RPS6KC1: variants seen among roughly 807,000 people sequenced by gnomAD.
The protein encoded by RPS6KC1 is ribosomal protein S6 kinase C1.
A neutral mutation model predicts 103.8 loss-of-function variants in RPS6KC1; 54 were observed. The ratio of observed to expected loss-of-function variants is 0.52; its 90% CI spans 0.42 to 0.65. The LOEUF is 0.65. Ranked by LOEUF, RPS6KC1 falls within the 30% of genes least tolerant of loss-of-function variation. RPS6KC1 has a pLI of 0.00. For missense variants in RPS6KC1, 1,151 were observed against 1,253.8 expected (o/e 0.92, Z 1.24); for synonymous variants, 439 against 438.7 (o/e 1.00, Z -0.01).
chr1:213,783,056 A>G, the RPS6KC1 span, among the ~76,000 whole-genome samples: 2 of 152,238 alleles, frequency 1.3e-5, no homozygotes, highest in Non-Finnish European at 2.9e-5. Context: ...AGGTATGAAC[A>G]GGGCTGTTCC....
the RPS6KC1 span, among the ~76,000 whole-genome samples, chr1:213,416,325 A>G: frequency 2.0e-5 from 3 of 152,226 alleles, no homozygotes; most frequent in South Asian, 4.1e-4. Flanking sequence ...TCATCTTGCC[A>G]TGGGGCTTGG....
At chr1:213,857,779 G>T in the RPS6KC1 span, among the ~76,000 whole-genome samples, 257 of 152,296 alleles carry the variant, frequency 1.7e-3, 1 homozygote, top group Admixed American at 3.9e-3. Flanking sequence ...GGCAGCATCT[G>T]GGCCCTGGCC....
chr1:213,215,179 T>G (rs1238299003), intron 8 of RPS6KC1, among the ~76,000 whole-genome samples: 2 of 152,094 alleles, frequency 1.3e-5, no homozygotes, highest in African/African-American at 4.8e-5. Context: ...AGAGAAGTGT[T>G]TAAAGGACCT....
the RPS6KC1 span, among the ~76,000 whole-genome samples, chr1:213,561,884 C>T: frequency 6.6e-6 from 1 of 152,342 alleles, no homozygotes; most frequent in Middle Eastern, 3.4e-3. Flanking sequence ...ATAAGTCGAA[C>T]TTTCCAGATT....
the RPS6KC1 span, among the ~76,000 whole-genome samples, chr1:213,696,222 A>C: frequency 1.5e-3 from 227 of 152,248 alleles, no homozygotes; most frequent in Middle Eastern, 3.4e-3. Context: ...CTTCTTGGCC[A>C]GGCGTGGTGG....
At chr1:213,109,052 T>A (rs1300273770) in intron 4 of RPS6KC1, among the ~76,000 whole-genome samples, 1 of 152,220 alleles carries the variant, frequency 6.6e-6, no homozygotes, top group Non-Finnish European at 1.5e-5. Context: ...GTATTGAATC[T>A]GTAGTTCAGT....
chr1:213,438,910 C>T, the RPS6KC1 span, among the ~76,000 whole-genome samples: 1 of 151,650 alleles, frequency 6.6e-6, no homozygotes, highest in Non-Finnish European at 1.5e-5. Flanking sequence ...TCTCCTGCCT[C>T]AGCCTCCCGA....
chr1:213,580,755 T>C, the RPS6KC1 span, among the ~76,000 whole-genome samples: 2 of 147,198 alleles, frequency 1.4e-5, no homozygotes, highest in Non-Finnish European at 3.0e-5. Flanking sequence ...CTGAGATGAT[T>C]GTTAGCATTT....
chr1:213,083,674 G>A (rs1319109802), intron 3 of RPS6KC1, among the ~76,000 whole-genome samples: 4 of 152,140 alleles, frequency 2.6e-5, no homozygotes, highest in African/African-American at 9.7e-5. Flanking sequence ...AGGAGATCTT[G>A]TATGTGGGAG....
At chr1:213,641,936 C>T in the RPS6KC1 span, among the ~76,000 whole-genome samples, 1 of 148,588 alleles carries the variant, frequency 6.7e-6, no homozygotes. Flanking sequence ...GTTTTGGCTC[C>T]TGAAGGCTAA....
the RPS6KC1 span, among the ~76,000 whole-genome samples, chr1:213,574,852 G>A: frequency 6.6e-6 from 1 of 152,188 alleles, no homozygotes; most frequent in African/African-American, 2.4e-5. Context: ...CCATGCTTGG[G>A]GTGTGGGCTG....
At chr1:213,506,009 C>T in the RPS6KC1 span, among the ~76,000 whole-genome samples, 1 of 152,074 alleles carries the variant, frequency 6.6e-6, no homozygotes, top group Non-Finnish European at 1.5e-5. Context: ...TGTTTGTTGT[C>T]CTTGGATCAG....
intron 12 of RPS6KC1, among the ~76,000 whole-genome samples, chr1:213,244,495 A>C (rs773986587): frequency 1.3e-5 from 2 of 151,998 alleles, no homozygotes; most frequent in African/African-American, 2.4e-5. Context: ...TAGTAAGTGT[A>C]TATATTGTTA....
At chr1:213,343,389 GTGTATATATATATATATATATATATA>G in the RPS6KC1 span, among the ~76,000 whole-genome samples, 177 of 65,864 alleles carry the variant, frequency 2.7e-3, 2 homozygotes, top group African/African-American at 0.012. Flanking sequence ...TCAGTGTTGT[GTGTATATATATATATATATATATATA>G]TATATATATA....
At chr1:213,156,355 A>C (rs2089885991) in intron 6 of RPS6KC1, among the ~76,000 whole-genome samples, 2 of 152,226 alleles carry the variant, frequency 1.3e-5, no homozygotes, top group African/African-American at 4.8e-5. Flanking sequence ...AAAGGACTTC[A>C]CTGAACTATA....
intron 12 of RPS6KC1, among the ~76,000 whole-genome samples, chr1:213,246,427 A>G (rs17020325): frequency 0.011 from 1,622 of 152,254 alleles, 31 homozygotes; most frequent in African/African-American, 0.036. Flanking sequence ...GGATACTTTT[A>G]CACAGGTTCT....
At chr1:213,650,982 G>C in the RPS6KC1 span, among the ~76,000 whole-genome samples, 1 of 151,512 alleles carries the variant, frequency 6.6e-6, no homozygotes, top group African/African-American at 2.4e-5. Context: ...AAACGTGTTG[G>C]GGGTGGGGTG....
At chr1:213,455,974 T>C in the RPS6KC1 span, among the ~76,000 whole-genome samples, 3,013 of 152,240 alleles carry the variant, frequency 0.02, 102 homozygotes, top group African/African-American at 0.068. Flanking sequence ...GGGTAACCTC[T>C]TTTATAATTC....
chr1:213,128,890 A>G (rs2085285110), intron 5 of RPS6KC1, among the ~76,000 whole-genome samples: 1 of 152,230 alleles, frequency 6.6e-6, no homozygotes, highest in African/African-American at 2.4e-5. Context: ...TATAAAAGTT[A>G]TAATATAATG....
Sources: allele counts gnomAD v4.1 joint callset (sites outside exome capture counted in the v4.1 genomes callset), GRCh38; gene constraint gnomAD v4.1.1; transcripts MANE v1.5; gene names NCBI Gene and HGNC (gene_info 2026-07-23, HGNC 2026-07-21).